Variants in CACNA1I observed in about 807,000 individuals in gnomAD.
The protein encoded by CACNA1I is voltage-dependent T-type calcium channel subunit alpha-1I.
CACNA1I carries 74 observed loss-of-function variants against 201.6 expected under a neutral mutation model. The ratio of observed to expected loss-of-function variants is 0.37; its 90% confidence interval spans 0.30 to 0.45. The LOEUF is 0.45. Among genes scored for constraint, CACNA1I ranks in the 20% least tolerant of loss-of-function variants. CACNA1I has a pLI of 1.00. For synonymous variants in CACNA1I, 1,431 were observed against 1,345.2 expected, an observed-to-expected ratio of 1.06 and a Z score of -1.40; for missense variants, 2,346 against 3,138.1, an observed-to-expected ratio of 0.75 and a Z score of 6.03.
intron 3 of CACNA1I, among the ~76,000 whole-genome samples, chr22:39,608,559 C>CTGAG (rs1933289404): frequency 6.6e-6 from 1 of 152,024 alleles, no homozygotes; most frequent in African/African-American, 2.4e-5. Flanking sequence ...GTATCCTGGG[C>CTGAG]TGAGTGCAGT....
chr22:39,605,395 CA>C (rs1163400696), intron 3 of CACNA1I, among the ~76,000 whole-genome samples: 1 of 152,200 alleles, frequency 6.6e-6, no homozygotes, highest in Non-Finnish European at 1.5e-5. Context: ...CAAACTAGGA[CA>C]TCCAAATGCA....
At chr22:39,650,472 T>TC (rs1225205819) in intron 10 of CACNA1I, among the ~76,000 whole-genome samples, 2 of 151,754 alleles carry the variant, frequency 1.3e-5, no homozygotes, top group African/African-American at 2.4e-5. Context: ...TTCTGTCCAT[T>TC]CCCCCCCAAA....
intron 17 of CACNA1I, 48 bp downstream of exon 17, chr22:39,662,483 A>G: frequency 7.6e-7 from 1 of 1,313,068 alleles, no homozygotes; most frequent in Non-Finnish European, 1.0e-6. Flanking sequence ...GGGATAGGAC[A>G]GAAGTGGGTG....
At chr22:39,647,456 C>G (rs967855888) in intron 8 of CACNA1I, among the ~76,000 whole-genome samples, 1 of 152,144 alleles carries the variant, frequency 6.6e-6, no homozygotes, top group Non-Finnish European at 1.5e-5. Context: ...ACAGGGTCAC[C>G]CAGGGAGTAC....
At position 39,659,134 on chromosome 22, in the gene CACNA1I, G is replaced by A; in HGVS notation, c.2330+18G>A. On this transcript the variant is annotated intron_variant, in intron 12 of 36. Transcript: ENST00000402142. The surrounding 1 kb of genome is among the most constrained non-coding windows in gnomAD (Gnocchi z 4.3). Reference sequence around the variant, plus strand: ...ATCTTCAGGTGAGCCTGCCCTGCTGGGGGCCATACCTCAGCACCTGCTGGG... The same window carrying A: ...ATCTTCAGGTGAGCCTGCCCTGCTGAGGGCCATACCTCAGCACCTGCTGGG... 6.2e-7 allele frequency: 1 copy of A among 1,610,468 alleles called. No individual in the cohort carries two copies. The highest frequency in any genetic ancestry group is 8.5e-7 in the Non-Finnish European group (1 of 1,179,076).
At chr22:39,658,602 A>G (rs1334571737) in intron 11 of CACNA1I, among the ~76,000 whole-genome samples, 1 of 152,218 alleles carries the variant, frequency 6.6e-6, no homozygotes. Flanking sequence ...TGATTGCCAC[A>G]AAGCCATAGG....
At chr22:39,622,815 A>C (rs1933786836) in intron 4 of CACNA1I, among the ~76,000 whole-genome samples, 1 of 151,972 alleles carries the variant, frequency 6.6e-6, no homozygotes, top group Non-Finnish European at 1.5e-5. Context: ...AGGGGCCAGC[A>C]CAGAGGGCCA....
At chr22:39,671,012 G>A in intron 26 of CACNA1I, 58 bp downstream of exon 26, 1 of 1,527,560 alleles carries the variant, frequency 6.5e-7, no homozygotes, top group Non-Finnish European at 9.0e-7. Flanking sequence ...GGTCTCAGCA[G>A]GACCCCACCC....
intron 1 of CACNA1I, among the ~76,000 whole-genome samples, chr22:39,596,735 C>G (rs1310746826): frequency 1.3e-5 from 2 of 151,824 alleles, no homozygotes; most frequent in African/African-American, 4.8e-5. Flanking sequence ...CAGGGCAGAC[C>G]CAGGGGGCCG....
chr22:39,684,308 CA>C lies in CACNA1I; in HGVS notation c.5839del (p.Ser1947ValfsTer90). 1 of 1,613,410 alleles carries C rather than the reference CA, an allele frequency of 6.2e-7. No homozygotes were observed. The highest frequency in any genetic ancestry group is 8.5e-7 in the Non-Finnish European group (1 of 1,179,782). Reference protein sequence around the residue: ...WLKHDSSQAPPSPFSPDASSP... With the variant: ...WLKHDSSQAPXSPFSPDASSP... ...TCTTCTCCTTTCCCAGCAGCACCCC[CA>C]AGTCCCTTCTCCCCGGATGCCTCCA... On this transcript the variant is annotated frameshift_variant, in exon 36 of 37. Coordinates refer to ENST00000402142, the MANE Select transcript of CACNA1I (RefSeq NM_021096.4). LOFTEE classifies it high-confidence loss of function. This position sits in a 1 kb window ranked among gnomAD's most constrained non-coding sequence, Gnocchi z 4.6.
Position 39,658,998 on chromosome 22 carries a change from G to T in CACNA1I, c.2212G>T (p.Val738Leu), listed in dbSNP as rs747858090. 6.2e-7 allele frequency: 1 copy of T among 1,610,570 alleles called. No individual in the cohort carries two copies. The highest frequency in any genetic ancestry group is 1.3e-5 in the African/African-American group (1 of 74,890). Residue 738 changes from valine to leucine, a missense_variant, in exon 12 of 37, where the codon GTG becomes TTG. Val to Leu is a conservative substitution (Grantham distance 32). This residue lies in a region of CACNA1I where 155 missense variants were observed against 300.8 expected (regional missense o/e 0.52). Coordinates refer to ENST00000402142, the MANE Select transcript of CACNA1I (RefSeq NM_021096.4). ...SVLRTFRLLR[V>L]LKLVRFMPAL... The stretch of plus-strand genomic sequence containing the variant: ...GCTGCGGACCTTCCGGCTGCTGCGC[G>T]TGCTGAAACTGGTGCGCTTCATGCC...
chr22:39,601,890 T>TCCCCCTCC (rs1359259601), intron 3 of CACNA1I, among the ~76,000 whole-genome samples: 16 of 19,534 alleles, frequency 8.2e-4, no homozygotes, highest in Non-Finnish European at 1.2e-3. Flanking sequence ...TCTCTTTCTT[T>TCCCCCTCC]CACCCTCCCT....
chr22:39,679,234 T>C lies in CACNA1I; in HGVS notation c.5183T>C (p.Val1728Ala). The C allele has an allele frequency of 6.3e-7, 1 of 1,594,070 alleles. No individual in the cohort carries two copies. The highest frequency in any genetic ancestry group is 8.5e-7 in the Non-Finnish European group (1 of 1,171,250). ...QFVLINVVVA[V>A]LMKHLDDSNK... ...GTGCTCATCAACGTGGTGGTGGCTG[T>C]GCTCATGAAGCACCTGGACGACAGC... The change falls in exon 32 of 37, where the codon GTG (valine) becomes GCG (alanine). Residue 1728 changes from valine (V) to alanine (A), a missense_variant. This residue lies in a region of CACNA1I where 64 missense variants were observed against 131.8 expected (regional missense o/e 0.49). Transcript: ENST00000402142.
At position 39,680,958 on chromosome 22, in the gene CACNA1I, C is replaced by G. The variant is rs759033642; in HGVS notation, c.5570C>G (p.Ser1857Cys). ...CAGCTGGCTGAGACGGAGGCCTTCT[C>G]CCTGAACTCAGACAGGTCCTCGTCC... ...EVQLAETEAF[S>C]LNSDRSSSIL... The change falls in exon 34 of 37, where the codon TCC (serine) becomes TGC (cysteine). Residue 1857 changes from serine (S) to cysteine (C), a missense_variant. By Grantham distance (112) the Ser-to-Cys change is moderately radical. This residue lies in a region of CACNA1I where 441 missense variants were observed against 555.6 expected (regional missense o/e 0.79). Transcript: ENST00000402142. 1 of 1,611,728 alleles carries G rather than the reference C, an allele frequency of 6.2e-7. No individual in the cohort carries two copies. The highest frequency in any genetic ancestry group is 2.2e-5 in the East Asian group (1 of 44,870).
chr22:39,615,537 G>A (rs999388100), intron 3 of CACNA1I, among the ~76,000 whole-genome samples: 1 of 152,120 alleles, frequency 6.6e-6, no homozygotes, highest in Non-Finnish European at 1.5e-5. Context: ...GGTGCATTGA[G>A]TCATTGTCAA....
At chr22:39,577,720 G>A (rs931913561) in intron 1 of CACNA1I, among the ~76,000 whole-genome samples, 18 of 152,262 alleles carry the variant, frequency 1.2e-4, no homozygotes, top group African/African-American at 4.3e-4. Context: ...GTGGACCAGC[G>A]TGCCGGCTGA....
rs1183122921 is a variant in CACNA1I, at chr22:39,570,821, G to T, written c.69G>T (p.Thr23=). Reference sequence around the variant, plus strand: ...CAGCCGCTGAGCCAGGAGTCACCACGGAGCAGCCCGGACCCCGGAGCCCCC... The same window carrying T: ...CAGCCGCTGAGCCAGGAGTCACCACTGAGCAGCCCGGACCCCGGAGCCCCC... ...AAPAAEPGVT[T]EQPGPRSPPS... The change falls in exon 1 of 37, where the codon ACG becomes ACT. Residue 23 remains threonine, a synonymous_variant. Coordinates refer to ENST00000402142, the MANE Select transcript of CACNA1I (RefSeq NM_021096.4). The T allele has an allele frequency of 6.2e-7, 1 of 1,613,362 alleles. No individual in the cohort carries two copies. The highest frequency in any genetic ancestry group is 8.5e-7 in the Non-Finnish European group (1 of 1,179,758).
rs187894569 is a variant in CACNA1I, at chr22:39,587,625, G to A, written c.237-10526G>A. 1.2e-4 allele frequency: 43 copies of A among 366,160 alleles called. No individual in the cohort carries two copies. The East Asian group carries it at 2.7e-3, about 23-fold the overall frequency. 22.7% of individuals were successfully genotyped at this position (366,160 alleles called of 1,614,324 possible). On this transcript the variant is annotated intron_variant, in intron 1 of 36. Coordinates refer to ENST00000402142, the MANE Select transcript of CACNA1I (RefSeq NM_021096.4). ...CAGGAGGGTATGAGGTTCAAATCCT[G>A]GCTCTGTCCCTCACTGACTGTGTCC...
chr22:39,667,190 T>G (rs1340273861), intron 23 of CACNA1I, among the ~76,000 whole-genome samples: 1 of 152,186 alleles, frequency 6.6e-6, no homozygotes, highest in East Asian at 1.9e-4. Context: ...GGCAGGTCCT[T>G]GGAATGTAGG....
Sources: gnomAD v4.1 joint callset for allele counts (sites outside exome capture counted in the v4.1 genomes callset) on GRCh38, gnomAD v4.1.1 for gene constraint, gnomAD v4.1.1 regional missense constraint, Gnocchi (gnomAD v3.1) non-coding constraint, MANE v1.5 for transcripts, NCBI Gene and HGNC (gene_info 2026-07-23, HGNC 2026-07-21) for gene names.